The following DISC1 variants were observed in gnomAD, a reference collection of about 807,000 sequenced individuals.
The protein encoded by DISC1 is disrupted in schizophrenia 1 protein.
DISC1 carries 57 observed loss-of-function variants against 84.5 expected under a neutral mutation model. The observed-to-expected ratio is 0.67, with a 90% CI of 0.55 to 0.84. The LOEUF (loss-of-function observed/expected upper bound fraction) is 0.84, where lower values mean the gene tolerates loss of function less well. Ranked by LOEUF, DISC1 falls within the 40% of genes least tolerant of loss-of-function variation. DISC1 has a pLI of 0.00. For synonymous variants in DISC1, 411 were observed against 415.2 expected (o/e 0.99, Z 0.12); for missense variants, 1,000 against 1,057.8 (o/e 0.95, Z 0.76).
chr1:231,702,028 A>G lies in DISC1; in HGVS notation c.1117+4A>G, dbSNP rs780771914. On this transcript the variant is annotated splice_donor_region_variant and intron_variant, in intron 3 of 12. Transcript: ENST00000439617. ...GAGAATGATGATTATGATAAAGGTG[A>G]GTTTTAATTTGTTTATTGATTGTTT... 1.2e-6 allele frequency: 2 copies of G among 1,601,190 alleles called. No individual in the cohort carries two copies. The highest frequency in any genetic ancestry group is 4.5e-5 in the East Asian group (2 of 44,476).
intron 9 of DISC1, among the ~76,000 whole-genome samples, chr1:231,939,605 C>T (rs1359784592): frequency 6.6e-6 from 1 of 152,152 alleles, no homozygotes; most frequent in East Asian, 1.9e-4. Flanking sequence ...CCTCTCTTGC[C>T]TTCCTTACAT....
chr1:231,722,419 T>C (rs1261133527), intron 3 of DISC1: 7 of 1,490,452 alleles, frequency 4.7e-6, no homozygotes, highest in Non-Finnish European at 6.4e-6. Context: ...TTTCTACTTA[T>C]CCACACTCGA....
At chr1:231,972,996 T>C (rs142139888) in intron 10 of DISC1, among the ~76,000 whole-genome samples, 27 of 152,166 alleles carry the variant, frequency 1.8e-4, no homozygotes, top group East Asian at 7.7e-4. Flanking sequence ...TTCCAGTCAA[T>C]TGTAATTTTG....
rs186082827 is a variant in DISC1, at chr1:231,844,035, A to G, written c.1981+25518A>G. ...GAACATTAATCTTTAGGGGACAGGCAGAGGACAAGGAGCCACAAAGAAGCA... is the reference window on the plus strand; with the variant it reads ...GAACATTAATCTTTAGGGGACAGGCGGAGGACAAGGAGCCACAAAGAAGCA... On this transcript the variant is annotated intron_variant, in intron 9 of 12. Coordinates refer to ENST00000439617, the MANE Select transcript of DISC1 (RefSeq NM_018662.3). Among the ~76,000 whole-genome samples the G allele has an allele frequency of 5.1e-4, 77 of 152,364 alleles. No individual in the cohort carries two copies. In the East Asian group the frequency reaches 0.014, roughly 27 times the overall value.
At chr1:231,946,439 C>A (rs779869506) in intron 9 of DISC1, among the ~76,000 whole-genome samples, 1 of 152,112 alleles carries the variant, frequency 6.6e-6, no homozygotes, top group East Asian at 1.9e-4. Context: ...TCTCAATAAA[C>A]TAGGTATCGA....
At chr1:231,784,633 G>C (rs942853584) in intron 6 of DISC1, among the ~76,000 whole-genome samples, 1 of 152,194 alleles carries the variant, frequency 6.6e-6, no homozygotes, top group Non-Finnish European at 1.5e-5. Context: ...TATGGTATAT[G>C]TCTGCATGAT....
intron 4 of DISC1, chr1:231,750,279 T>G: frequency 1.5e-6 from 2 of 1,376,562 alleles, no homozygotes; most frequent in Non-Finnish European, 1.9e-6. Context: ...GAAAGAAGAC[T>G]TTTCTGCCAC....
At chr1:231,987,587 A>C (rs1318618919) in intron 10 of DISC1, among the ~76,000 whole-genome samples, 4 of 152,210 alleles carry the variant, frequency 2.6e-5, no homozygotes, top group Non-Finnish European at 5.9e-5. Context: ...CAGACAAGAA[A>C]AAAATATTTC....
intron 1 of DISC1, among the ~76,000 whole-genome samples, chr1:231,681,421 G>A (rs2063680636): frequency 6.6e-6 from 1 of 152,118 alleles, no homozygotes; most frequent in Admixed American, 6.5e-5. Context: ...GTGTGTGTGT[G>A]TGTGTAAATC....
At chr1:231,668,176 CCT>C (rs1291371817) in intron 1 of DISC1, among the ~76,000 whole-genome samples, 2 of 152,028 alleles carry the variant, frequency 1.3e-5, no homozygotes, top group African/African-American at 2.4e-5. Context: ...TAAACATGTC[CCT>C]CAACTCCCAA....
At chr1:231,661,863 A>T (rs1024052843) in intron 1 of DISC1, among the ~76,000 whole-genome samples, 3 of 152,194 alleles carry the variant, frequency 2.0e-5, no homozygotes, top group Non-Finnish European at 4.4e-5. Flanking sequence ...TTCTTTGCTT[A>T]TCTTTGTGGG....
At chr1:231,803,508 C>A (rs1457877409) in intron 8 of DISC1, among the ~76,000 whole-genome samples, 3 of 152,108 alleles carry the variant, frequency 2.0e-5, no homozygotes, top group Non-Finnish European at 4.4e-5. Context: ...TTGGCTGGGG[C>A]TGAAAGATCT....
intron 9 of DISC1, among the ~76,000 whole-genome samples, chr1:231,846,834 CT>C (rs898561174): frequency 8.5e-5 from 13 of 152,230 alleles, no homozygotes; most frequent in African/African-American, 2.6e-4. Context: ...AGTTCAGGAA[CT>C]GTTGAAAAAA....
intron 9 of DISC1, among the ~76,000 whole-genome samples, chr1:231,829,901 TTGAGCCAGGA>T (rs2082113799): frequency 6.6e-6 from 1 of 151,914 alleles, no homozygotes; most frequent in Non-Finnish European, 1.5e-5. Context: ...GGGGGAGCTT[TTGAGCCAGGA>T]TGAGCCAGGA....
In DISC1 at chr1:231,829,446, C is replaced by A. The variant is rs144234022; in HGVS notation, c.1981+10929C>A. On this transcript the variant is annotated intron_variant, in intron 9 of 12. Transcript: ENST00000439617. Reference sequence around the variant, plus strand: ...GTGGCATTATCTCGGCTCACTGCAACCTCCACCTCCTGGGCTCAAGCAATC... The same window carrying A: ...GTGGCATTATCTCGGCTCACTGCAAACTCCACCTCCTGGGCTCAAGCAATC... Among the ~76,000 whole-genome samples the A allele has an allele frequency of 5.7e-3, 868 of 152,186 alleles. 10 individuals are homozygous for A. The highest frequency in any genetic ancestry group is 0.019 in the African/African-American group (781 of 41,522).
At chr1:231,742,153 C>T (rs1379904096) in intron 3 of DISC1, among the ~76,000 whole-genome samples, 3 of 152,224 alleles carry the variant, frequency 2.0e-5, no homozygotes, top group African/African-American at 4.8e-5. Context: ...CCCCTTGGTT[C>T]ACCCTACTAG....
chr1:231,722,565 A>G (rs147731458), intron 3 of DISC1: 148 of 1,614,116 alleles, frequency 9.2e-5, no homozygotes, highest in Non-Finnish European at 1.2e-4. Flanking sequence ...TGGATCCACC[A>G]TGGAAGCCTC....
intron 9 of DISC1, among the ~76,000 whole-genome samples, chr1:231,888,500 T>G (rs1420784273): frequency 2.0e-5 from 3 of 149,742 alleles, no homozygotes; most frequent in African/African-American, 7.4e-5. Flanking sequence ...ATCCCAGCAC[T>G]TTGGGAGGCC....
At chr1:231,809,155 A>C (rs1026334405) in intron 8 of DISC1, among the ~76,000 whole-genome samples, 1 of 152,160 alleles carries the variant, frequency 6.6e-6, no homozygotes, top group Non-Finnish European at 1.5e-5. Flanking sequence ...CTCAGTTTTT[A>C]TCTCTCGCCA....
Sources: gnomAD v4.1 joint callset for allele counts (sites outside exome capture counted in the v4.1 genomes callset) on GRCh38, gnomAD v4.1.1 for gene constraint, MANE v1.5 for transcripts, NCBI Gene and HGNC (gene_info 2026-07-23, HGNC 2026-07-21) for gene names.